NR3C2: variants seen among roughly 807,000 people sequenced by gnomAD.
NR3C2 encodes mineralocorticoid receptor.
NR3C2 carries 15 observed loss-of-function variants against 86.4 expected under a neutral mutation model. The observed-to-expected ratio is 0.17, with a 90% confidence interval of 0.12 to 0.27. The LOEUF (loss-of-function observed/expected upper bound fraction) is 0.27. Among genes scored for constraint, NR3C2 ranks in the 10% least tolerant of loss-of-function variants. The pLI is 1.00. For synonymous variants in NR3C2, 458 were observed against 450.5 expected (o/e 1.02, Z -0.21); for missense variants, 960 against 1,195.6 (o/e 0.80, Z 2.91).
intron 3 of NR3C2, among the ~76,000 whole-genome samples, chr4:148,228,634 G>A (rs1014590529): frequency 1.3e-5 from 2 of 152,062 alleles, no homozygotes; most frequent in African/African-American, 4.8e-5. Context: ...TTTCTTAATG[G>A]TATCTTTTGG....
intron 2 of NR3C2, among the ~76,000 whole-genome samples, chr4:148,340,618 A>G (rs908625950): frequency 2.6e-5 from 4 of 152,186 alleles, no homozygotes; most frequent in African/African-American, 9.6e-5. Context: ...AGGCAACAAA[A>G]GTAAAAATAC....
At chr4:148,292,147 T>C (rs17024565) in intron 2 of NR3C2, among the ~76,000 whole-genome samples, 4,593 of 152,160 alleles carry the variant, frequency 0.03, 105 homozygotes, top group African/African-American at 0.064. Context: ...TCAAAAATAC[T>C]TTCCTATTAT....
At chr4:148,092,061 G>A (rs887260328) in intron 8 of NR3C2, among the ~76,000 whole-genome samples, 3 of 152,124 alleles carry the variant, frequency 2.0e-5, no homozygotes, top group African/African-American at 2.4e-5. Context: ...CAGCTCTCCC[G>A]GGGATGCCCC....
At chr4:148,202,808 G>T (rs1736794432) in intron 3 of NR3C2, among the ~76,000 whole-genome samples, 1 of 152,038 alleles carries the variant, frequency 6.6e-6, no homozygotes, top group Admixed American at 6.6e-5. Context: ...TCTGTATCTT[G>T]CTCCTTAATT....
At chr4:148,142,229 G>T (rs7670173) in intron 6 of NR3C2, among the ~76,000 whole-genome samples, 18,375 of 152,194 alleles carry the variant, frequency 0.12, 1,254 homozygotes, top group South Asian at 0.19. Flanking sequence ...CAATGCAAAG[G>T]TAAATCAGAC....
intron 2 of NR3C2, among the ~76,000 whole-genome samples, chr4:148,409,134 G>A (rs1748565184): frequency 6.6e-6 from 1 of 152,124 alleles, no homozygotes; most frequent in African/African-American, 2.4e-5. Flanking sequence ...AAGGCTCCTA[G>A]CATATTGCCA....
intron 8 of NR3C2, among the ~76,000 whole-genome samples, chr4:148,103,961 C>A (rs1268092316): frequency 6.6e-6 from 1 of 152,110 alleles, no homozygotes; most frequent in Non-Finnish European, 1.5e-5. Flanking sequence ...TATTTACCAC[C>A]CATTATTAAT....
intron 2 of NR3C2, among the ~76,000 whole-genome samples, chr4:148,318,497 G>A (rs1014522125): frequency 6.0e-5 from 9 of 150,052 alleles, no homozygotes; most frequent in African/African-American, 2.2e-4. Context: ...CACCAACAGT[G>A]TAAAAGTGTT....
At chr4:148,378,977 C>T (rs1746818747) in intron 2 of NR3C2, among the ~76,000 whole-genome samples, 1 of 152,090 alleles carries the variant, frequency 6.6e-6, no homozygotes, top group Non-Finnish European at 1.5e-5. Context: ...AAAACAAATT[C>T]ACTAAGTCAA....
intron 4 of NR3C2, among the ~76,000 whole-genome samples, chr4:148,190,811 G>A (rs904135188): frequency 2.6e-5 from 4 of 152,192 alleles, no homozygotes; most frequent in African/African-American, 9.7e-5. Context: ...TGCTTTTGGT[G>A]TCATTTGCAT....
intron 2 of NR3C2, among the ~76,000 whole-genome samples, chr4:148,401,462 T>TC (rs34880037): frequency 4.5e-5 from 1 of 22,058 alleles, no homozygotes; most frequent in Non-Finnish European, 1.2e-4. Flanking sequence ...AAGTTGTCTC[T>TC]TTTTTTTTTT....
intron 4 of NR3C2, among the ~76,000 whole-genome samples, chr4:148,175,206 T>TA (rs1735318108): frequency 6.6e-6 from 1 of 151,996 alleles, no homozygotes; most frequent in Non-Finnish European, 1.5e-5. Context: ...AAAGGCCGGT[T>TA]AAAAAAACCA....
chr4:148,360,472 G>A lies in NR3C2; in HGVS notation c.1757+74632C>T, dbSNP rs538349559. 3.3e-5 allele frequency among the ~76,000 whole-genome samples: 5 copies of A among 152,220 alleles called. No individual in the cohort carries two copies. In the South Asian group the frequency reaches 1.0e-3, roughly 32 times the overall value. ...GTGTATTAAAGGCTCTTACGGTAAA[G>A]CTAAAGTGCTTATAGGCAAAACAAA... On this transcript the variant is annotated intron_variant, in intron 2 of 8. Coordinates refer to ENST00000358102, the MANE Select transcript of NR3C2 (RefSeq NM_000901.5).
chr4:148,289,273 C>CA (rs34696054), intron 2 of NR3C2, among the ~76,000 whole-genome samples: 77,027 of 130,416 alleles, frequency 0.59, 23,490 homozygotes, highest in East Asian at 0.78. Context: ...TATTTACAGC[C>CA]AAAAAAAAAA....
intron 2 of NR3C2, among the ~76,000 whole-genome samples, chr4:148,349,911 G>C (rs939010639): frequency 2.6e-5 from 4 of 152,008 alleles, no homozygotes; most frequent in African/African-American, 9.7e-5. Flanking sequence ...AAAACATTTG[G>C]GGGAAAAAGA....
At chr4:148,242,780 C>T (rs147385466) in intron 3 of NR3C2, among the ~76,000 whole-genome samples, 5 of 152,196 alleles carry the variant, frequency 3.3e-5, no homozygotes, top group African/African-American at 1.2e-4. Context: ...AAATCTATTA[C>T]AAAGAGAAAC....
intron 3 of NR3C2, among the ~76,000 whole-genome samples, chr4:148,251,708 C>G (rs1288510995): frequency 6.6e-6 from 1 of 152,086 alleles, no homozygotes; most frequent in Non-Finnish European, 1.5e-5. Context: ...AGAGGTACTT[C>G]AGGATAGTAA....
chr4:148,423,627 C>A (rs959799881), intron 2 of NR3C2, among the ~76,000 whole-genome samples: 2 of 152,172 alleles, frequency 1.3e-5, no homozygotes, highest in African/African-American at 4.8e-5. Flanking sequence ...ACAGTGGGGA[C>A]ATTTGGTTTG....
chr4:148,349,313 TC>T, intron 2 of NR3C2, among the ~76,000 whole-genome samples: 1 of 152,246 alleles, frequency 6.6e-6, no homozygotes, highest in African/African-American at 2.4e-5. Context: ...TTGTCAATGA[TC>T]TTTTTATTTG....
Sources: allele counts gnomAD v4.1 joint callset (sites outside exome capture counted in the v4.1 genomes callset), GRCh38; gene constraint gnomAD v4.1.1; transcripts MANE v1.5; gene names NCBI Gene and HGNC (gene_info 2026-07-23, HGNC 2026-07-21).